The following GLDN variants were observed in gnomAD, a reference collection of about 807,000 sequenced individuals.
GLDN encodes gliomedin.
In GLDN, 47 loss-of-function variants were observed where a neutral mutation model predicts 56.5. That is an observed-to-expected ratio of 0.83 (90% CI 0.66 to 1.06). The LOEUF (loss-of-function observed/expected upper bound fraction) is 1.06, where lower values mean the gene tolerates loss of function less well. Among genes scored for constraint, GLDN ranks in the 50% least tolerant of loss-of-function variants. GLDN has a pLI of 0.00. For missense variants in GLDN, 782 were observed against 714.3 expected (o/e 1.09, Z -1.08); for synonymous variants, 332 against 278.8 (o/e 1.19, Z -1.90).
chr15:51,373,767 A>G (rs1404198023), intron 1 of GLDN, among the ~76,000 whole-genome samples: 2 of 152,204 alleles, frequency 1.3e-5, no homozygotes, highest in East Asian at 3.8e-4. Context: ...GGGCCACAAC[A>G]TGGATGGGTC....
At position 51,394,854 on chromosome 15, in the gene GLDN, A is replaced by G. The variant is rs769405494; in HGVS notation, c.561A>G (p.Gly187=). The G allele has an allele frequency of 1.2e-6, 2 of 1,613,888 alleles. No homozygotes were observed. Among genetic ancestry groups the G allele is most frequent in the Non-Finnish European group, 1.7e-6 (2 of 1,179,892 alleles). Residue 187 remains glycine, a synonymous_variant, in exon 5 of 10, where the codon GGA becomes GGG. Coordinates refer to ENST00000335449, the MANE Select transcript of GLDN (RefSeq NM_181789.4). ...GGTCAGGGATACCTGGAGCTGCAGG[A>G]AATCCAGGGGAAAGGGGAGAAAAGG... is the stretch of plus-strand genomic sequence containing the variant. ...RGKMGIPGAA[G]NPGERGEKGD...
At chr15:51,374,202 A>T (rs2141083211) in intron 1 of GLDN, among the ~76,000 whole-genome samples, 1 of 152,314 alleles carries the variant, frequency 6.6e-6, no homozygotes, top group African/African-American at 2.4e-5. Context: ...ATTAGTACCA[A>T]ACAGAAAGGC....
At chr15:51,363,102 T>C (rs148345832) in intron 1 of GLDN, among the ~76,000 whole-genome samples, 11 of 152,250 alleles carry the variant, frequency 7.2e-5, no homozygotes, top group Non-Finnish European at 1.3e-4. Context: ...TGTTGTTACA[T>C]TGAGATGTTC....
At chr15:51,395,006 C>T in intron 5 of GLDN, 25 bp downstream of exon 5, 1 of 1,541,008 alleles carries the variant, frequency 6.5e-7, no homozygotes, top group South Asian at 1.3e-5. Context: ...CTGTGGCTCT[C>T]TTTGAGGGCT....
At chr15:51,363,864 A>T (rs1288458653) in intron 1 of GLDN, among the ~76,000 whole-genome samples, 2 of 152,230 alleles carry the variant, frequency 1.3e-5, no homozygotes. Flanking sequence ...TATTTGGACT[A>T]TAGAATTCTA....
chr15:51,363,980 C>G (rs966900121), intron 1 of GLDN, among the ~76,000 whole-genome samples: 2 of 152,138 alleles, frequency 1.3e-5, no homozygotes, highest in African/African-American at 4.8e-5. Flanking sequence ...CTGTGTTTCT[C>G]TCTGTGGAAT....
chr15:51,381,182 T>G (rs1048028002), intron 2 of GLDN, among the ~76,000 whole-genome samples: 1 of 152,202 alleles, frequency 6.6e-6, no homozygotes, highest in Non-Finnish European at 1.5e-5. Flanking sequence ...ATATACAGCT[T>G]CAGCCGGGAG....
At chr15:51,402,466 C>G (rs918081281) in intron 9 of GLDN, among the ~76,000 whole-genome samples, 2 of 152,228 alleles carry the variant, frequency 1.3e-5, no homozygotes, top group African/African-American at 4.8e-5. Context: ...TGTGCCTCCT[C>G]TATGGCCTTG....
At chr15:51,356,205 C>CA (rs368789885) in intron 1 of GLDN, among the ~76,000 whole-genome samples, 16,758 of 118,836 alleles carry the variant, frequency 0.14, 2,151 homozygotes, top group African/African-American at 0.35. Context: ...GACTCTGTCT[C>CA]AAAAAAAAAA....
intron 9 of GLDN, 87 bp downstream of exon 9, chr15:51,401,830 G>GT: frequency 8.2e-7 from 1 of 1,219,348 alleles, no homozygotes; most frequent in Non-Finnish European, 1.1e-6. Context: ...TAGGGACTGT[G>GT]TTTTCATCAT....
chr15:51,377,274 C>T (rs1040258013), intron 1 of GLDN, 175 bp from the exon 2 acceptor site: 10 of 581,104 alleles, frequency 1.7e-5, no homozygotes, highest in East Asian at 2.9e-5. Flanking sequence ...GTGTATGATT[C>T]GTTGTTGACT....
chr15:51,355,605 C>T (rs2037160827), intron 1 of GLDN, among the ~76,000 whole-genome samples: 2 of 149,624 alleles, frequency 1.3e-5, no homozygotes, highest in Non-Finnish European at 3.0e-5. Flanking sequence ...CTCACTTTAA[C>T]CTCCGCCTCC....
intron 1 of GLDN, among the ~76,000 whole-genome samples, chr15:51,353,901 G>A (rs2037126308): frequency 6.6e-6 from 1 of 152,088 alleles, no homozygotes; most frequent in Admixed American, 6.5e-5. Context: ...AGGTCATGTT[G>A]TTTAAAACAA....
chr15:51,365,664 T>C (rs2037386687), intron 1 of GLDN, among the ~76,000 whole-genome samples: 1 of 152,210 alleles, frequency 6.6e-6, no homozygotes, highest in Non-Finnish European at 1.5e-5. Flanking sequence ...AAGTCCACGA[T>C]ATTTACACTA....
intron 1 of GLDN, among the ~76,000 whole-genome samples, chr15:51,348,462 A>G (rs1335036939): frequency 1.3e-5 from 2 of 151,958 alleles, no homozygotes; most frequent in Non-Finnish European, 2.9e-5. Flanking sequence ...CCTCCTGAGT[A>G]TCTGGGACAA....
chr15:51,389,600 G>A (rs900903370), intron 4 of GLDN, among the ~76,000 whole-genome samples: 3 of 152,214 alleles, frequency 2.0e-5, no homozygotes, highest in Non-Finnish European at 2.9e-5. Flanking sequence ...CATAAAGGAC[G>A]AGAGAGAAGA....
In GLDN at chr15:51,405,544, C is replaced by T. The variant is rs1441381910; in HGVS notation, c.*790C>T. ...TGGATTACAGGCATGTGTGCCTGGCCCAGGTTTCTTAATAAAACAGAATCA... is the reference window on the plus strand; with the variant it reads ...TGGATTACAGGCATGTGTGCCTGGCTCAGGTTTCTTAATAAAACAGAATCA... On this transcript the variant is annotated 3_prime_UTR_variant, in exon 10 of 10. Coordinates refer to ENST00000335449, the MANE Select transcript of GLDN (RefSeq NM_181789.4). 1 of 152,020 alleles carries T rather than the reference C, an allele frequency of 6.6e-6. No homozygotes were observed. The highest frequency in any genetic ancestry group is 1.5e-5 in the Non-Finnish European group (1 of 68,010). 9.4% of individuals were successfully genotyped at this position (152,020 alleles called of 1,614,324 possible). A position where few individuals can be genotyped will look rare whatever the true frequency, so the allele number is the denominator to read the frequency against.
rs773824283 is a variant in GLDN at position 51,375,083 on chromosome 15, A to T, written c.364-2366A>T. Among the ~76,000 whole-genome samples, 72 of 152,206 alleles carry T rather than the reference A, an allele frequency of 4.7e-4. 1 individual carries two copies. The highest frequency in any genetic ancestry group is 1.3e-3 in the Admixed American group (20 of 15,276). On this transcript the variant is annotated intron_variant, in intron 1 of 9. Transcript: ENST00000335449. ...ATATTTCACAATAAGTTTCTAAAGCAGGCAATAAATAGCTGTTGACATACT... is the reference window on the plus strand; with the variant it reads ...ATATTTCACAATAAGTTTCTAAAGCTGGCAATAAATAGCTGTTGACATACT...
intron 1 of GLDN, among the ~76,000 whole-genome samples, chr15:51,367,832 G>A (rs16964303): frequency 0.12 from 17,726 of 152,122 alleles, 1,966 homozygotes; most frequent in African/African-American, 0.29. Flanking sequence ...CCTGACTCAA[G>A]ATAGTGTGAA....
Sources: gnomAD v4.1 joint callset for allele counts (sites outside exome capture counted in the v4.1 genomes callset) on GRCh38, gnomAD v4.1.1 for gene constraint, MANE v1.5 for transcripts, NCBI Gene and HGNC (gene_info 2026-07-23, HGNC 2026-07-21) for gene names.